MTA3: variants seen among roughly 807,000 people sequenced by gnomAD.
The protein encoded by MTA3 is metastasis associated 1 family member 3, also known as metastasis-associated protein MTA3.
Under a neutral mutation model 83.5 loss-of-function variants are expected in MTA3, and 34 were observed. That is an observed-to-expected ratio of 0.41 (90% confidence interval 0.31 to 0.54). The LOEUF (loss-of-function observed/expected upper bound fraction) is 0.54. MTA3 is among the 20% of genes least tolerant of loss of function. The probability of loss-of-function intolerance (pLI) is 0.33; values close to 1 mark genes in which losing one functional copy is unlikely to be tolerated. For synonymous variants in MTA3, 303 were observed against 252.7 expected (o/e 1.20, Z -1.89); for missense variants, 761 against 726.4 (o/e 1.05, Z -0.55).
chr2:42,564,668 T>G (rs1355014841), upstream of MTA3, among the ~76,000 whole-genome samples: 1 of 152,206 alleles, frequency 6.6e-6, no homozygotes, highest in Non-Finnish European at 1.5e-5. Flanking sequence ...ATAAAGTCCC[T>G]TTTCCAAAGC....
At position 42,619,685 on chromosome 2, in the gene MTA3, C is replaced by G. The variant is rs536614578; in HGVS notation, c.317+10101C>G. Among the ~76,000 whole-genome samples the G allele has an allele frequency of 9.9e-5, 15 of 152,264 alleles. No individual in the cohort carries two copies. In the East Asian group the frequency reaches 2.9e-3, roughly 29 times the overall value. ...AAGTTGATTCAAAAAAAGGGAAGGACTAACAACAATGAAAATAAGGATTTT... is the reference window on the plus strand; with the variant it reads ...AAGTTGATTCAAAAAAAGGGAAGGAGTAACAACAATGAAAATAAGGATTTT... On this transcript the variant is annotated intron_variant, in intron 4 of 16. Coordinates refer to ENST00000405094, the MANE Select transcript of MTA3 (RefSeq NM_001330442.2).
chr2:42,514,414 C>T (rs1675041585), intron 2 of MTA3, among the ~76,000 whole-genome samples: 1 of 152,082 alleles, frequency 6.6e-6, no homozygotes, highest in African/African-American at 2.4e-5. Flanking sequence ...TAGAGTCTCA[C>T]TTCATCACCC....
intron 7 of MTA3, 98 bp downstream of exon 7, chr2:42,656,400 C>A: frequency 1.6e-6 from 1 of 630,496 alleles, no homozygotes; most frequent in Non-Finnish European, 2.5e-6. Flanking sequence ...TGCTTTTCTC[C>A]CACTGATTGT....
chr2:42,580,426 C>T (rs1015932338), intron 3 of MTA3, among the ~76,000 whole-genome samples: 30 of 152,034 alleles, frequency 2.0e-4, no homozygotes, highest in African/African-American at 6.8e-4. Context: ...GACTGGAGTG[C>T]AGTGGTGCCA....
At chr2:42,705,677 A>G (rs910670132) in intron 12 of MTA3, among the ~76,000 whole-genome samples, 12 of 151,954 alleles carry the variant, frequency 7.9e-5, no homozygotes. Flanking sequence ...TTGCACTCCA[A>G]CCTGGGTGAC....
chr2:42,530,463 G>T lies in MTA3; in HGVS notation c.-141+35209G>T, dbSNP rs535264537. ...GATGGCGCCACTGCACTCCAGCCTGGGCGACAGAGCGAGACTCCGTCTCAA... is the reference window on the plus strand; with the variant it reads ...GATGGCGCCACTGCACTCCAGCCTGTGCGACAGAGCGAGACTCCGTCTCAA... On this transcript the variant is annotated intron_variant, in intron 2 of 17. Coordinates refer to the MTA3 transcript ENST00000405592. Among the ~76,000 whole-genome samples, 153 of 151,560 alleles carry T rather than the reference G, an allele frequency of 1.0e-3. 3 individuals carry two copies. In the South Asian group the frequency reaches 0.018, roughly 18 times the overall value.
intron 2 of MTA3, among the ~76,000 whole-genome samples, chr2:42,498,393 A>T (rs1342152977): frequency 6.6e-6 from 1 of 152,184 alleles, no homozygotes; most frequent in East Asian, 1.9e-4. Flanking sequence ...TATTGTTGTT[A>T]TCAGTTTGCA....
intron 14 of MTA3, among the ~76,000 whole-genome samples, chr2:42,713,957 C>T (rs1666836828): frequency 6.6e-6 from 1 of 152,136 alleles, no homozygotes. Flanking sequence ...AAAGTTGGGG[C>T]CAAGGAGCAT....
intron 8 of MTA3, among the ~76,000 whole-genome samples, chr2:42,660,762 A>G (rs1223922535): frequency 1.3e-5 from 2 of 152,236 alleles, no homozygotes; most frequent in East Asian, 3.8e-4. Context: ...ATGGGTTTTT[A>G]ACTTTCTTAT....
chr2:42,606,013 T>TG (rs1460926350), intron 3 of MTA3, among the ~76,000 whole-genome samples: 4 of 3,270 alleles, frequency 1.2e-3, no homozygotes, highest in Admixed American at 3.7e-3. Context: ...GCTGGCCAGG[T>TG]GGGGGGCTGA....
Position 42,531,547 on chromosome 2 carries a change from G to A in MTA3, c.-141+36293G>A, listed in dbSNP as rs954602173. ...GGCTCACCGCAACCTCTGCCTCCCGGGTTCAAGCAATTCTCCTGCCTCAGC... is the reference window on the plus strand; with the variant it reads ...GGCTCACCGCAACCTCTGCCTCCCGAGTTCAAGCAATTCTCCTGCCTCAGC... On this transcript the variant is annotated intron_variant, in intron 2 of 17. Transcript: ENST00000405592. Among the ~76,000 whole-genome samples, 7 of 144,946 alleles carry A rather than the reference G, an allele frequency of 4.8e-5. No individual in the cohort carries two copies. The Admixed American group carries it at 5.0e-4, about 10-fold the overall frequency.
At chr2:42,585,046 C>T (rs1175378936) in intron 3 of MTA3, among the ~76,000 whole-genome samples, 1 of 150,964 alleles carries the variant, frequency 6.6e-6, no homozygotes, top group African/African-American at 2.4e-5. Context: ...ATTCTCCTGT[C>T]TCAGCCTCCC....
At position 42,502,530 on chromosome 2, in the gene MTA3, G is replaced by A. The variant is rs79188173; in HGVS notation, c.-141+7276G>A. On this transcript the variant is annotated intron_variant, in intron 2 of 17. Transcript: ENST00000405592. ...GGGTCCCAATCCAGCCGGGTGCGGC[G>A]GCTCATGCCTGTACTCCCAGCACTT... Among the ~76,000 whole-genome samples, 4,038 of 152,144 alleles carry A rather than the reference G, an allele frequency of 0.027. 359 individuals are homozygous for A. In the East Asian group the frequency reaches 0.35, roughly 13 times the overall value.
chr2:42,736,216 T>G (rs1668603896), intron 16 of MTA3, among the ~76,000 whole-genome samples: 1 of 152,184 alleles, frequency 6.6e-6, no homozygotes, highest in Non-Finnish European at 1.5e-5. Context: ...TTGGGTAAGA[T>G]CTGGGAGAAT....
intron 4 of MTA3, among the ~76,000 whole-genome samples, chr2:42,612,357 GGCTTGTGCCACCAT>G (rs1487938848): frequency 7.2e-5 from 11 of 152,068 alleles, no homozygotes; most frequent in Admixed American, 7.2e-4. Flanking sequence ...TGGGACTACA[GGCTTGTGCCACCAT>G]GCCTGGCTAA....
chr2:42,641,906 A>C (rs1687731519), intron 5 of MTA3, among the ~76,000 whole-genome samples: 1 of 152,080 alleles, frequency 6.6e-6, no homozygotes, highest in South Asian at 2.1e-4. Context: ...TGAGGATTGA[A>C]AAATTACCTA....
intron 5 of MTA3, among the ~76,000 whole-genome samples, chr2:42,643,465 G>C (rs763183928): frequency 2.0e-5 from 3 of 152,114 alleles, no homozygotes; most frequent in Admixed American, 6.5e-5. Context: ...TTGTAAGGGA[G>C]GACTGGAAAT....
At chr2:42,721,080 C>A (rs1333410034) in intron 15 of MTA3, among the ~76,000 whole-genome samples, 2 of 151,798 alleles carry the variant, frequency 1.3e-5, no homozygotes, top group East Asian at 1.9e-4. Context: ...TAGGCCCAGA[C>A]TGTGCTGTTC....
intron 3 of MTA3, among the ~76,000 whole-genome samples, chr2:42,582,869 A>AT (rs752055265): frequency 2.0e-5 from 3 of 152,040 alleles, no homozygotes; most frequent in Non-Finnish European, 4.4e-5. Flanking sequence ...GCCATCATGC[A>AT]TTTTTTCTTT....
Sources: gnomAD v4.1 joint callset for allele counts (sites outside exome capture counted in the v4.1 genomes callset) on GRCh38, gnomAD v4.1.1 for gene constraint, MANE v1.5 for transcripts, NCBI Gene and HGNC (gene_info 2026-07-23, HGNC 2026-07-21) for gene names.